Variants in ABCC6 observed in about 807,000 individuals in gnomAD.
The protein encoded by ABCC6 is ATP-binding cassette sub-family C member 6.
A neutral mutation model predicts 169.5 loss-of-function variants in ABCC6; 126 were observed. The ratio of observed to expected loss-of-function variants is 0.74; its 90% CI spans 0.64 to 0.86. ABCC6 has a LOEUF of 0.86. ABCC6 is among the 40% of genes least tolerant of loss of function. ABCC6 has a pLI of 0.00. For missense variants in ABCC6, 1,733 were observed against 1,927.2 expected (o/e 0.90, Z 1.89); for synonymous variants, 752 against 814.7 (o/e 0.92, Z 1.31).
Position 16,159,463 on chromosome 16 carries a change from C to T in ABCC6, c.3735+19G>A. 6.2e-7 allele frequency: 1 copy of T among 1,612,276 alleles called. No homozygotes were observed. ...AATATGTCCTTGCTGGGACCCCCTC[C>T]CCACCTCCCGCCCATCACCTCCTTG... is the stretch of plus-strand genomic sequence containing the variant. On this transcript the variant is annotated intron_variant, in intron 26 of 30. Transcript: ENST00000205557.
intron 29 of ABCC6, among the ~76,000 whole-genome samples, chr16:16,152,235 A>T (rs2046407839): frequency 7.0e-6 from 1 of 143,752 alleles, no homozygotes; most frequent in Admixed American, 7.0e-5. Context: ...CTTGTCACAG[A>T]ATAAGCCCTT....
At chr16:16,178,129 C>A (rs143077935) in intron 18 of ABCC6, among the ~76,000 whole-genome samples, 1 of 152,036 alleles carries the variant, frequency 6.6e-6, no homozygotes, top group African/African-American at 2.4e-5. Flanking sequence ...AGTTCGAGAC[C>A]AGCCTGGCCA....
chr16:16,168,547 C>T (rs2046955277), intron 22 of ABCC6, among the ~76,000 whole-genome samples: 2 of 152,008 alleles, frequency 1.3e-5, no homozygotes, highest in South Asian at 4.2e-4. Context: ...CTGTTACTCC[C>T]TTCAGCCAGG....
chr16:16,150,566 C>T lies in ABCC6; in HGVS notation c.4403+12G>A, dbSNP rs770452496. ...GGGCTGCTGTGAGGTCAGGCCGGGG[C>T]GGGAGCCTTACCGGGCACAGTCCAT... is the stretch of plus-strand genomic sequence containing the variant. On this transcript the variant is annotated intron_variant, in intron 30 of 30. Transcript: ENST00000205557. The T allele has an allele frequency of 6.2e-6, 10 of 1,604,944 alleles. No individual in the cohort carries two copies. The African/African-American group carries it at 6.7e-5, about 11-fold the overall frequency.
Position 16,161,647 on chromosome 16 carries a change from C to T in ABCC6, c.3507-83G>A, listed in dbSNP as rs149653829. ...CTCTGGGCACAAGGACTGGTCATCA[C>T]ACCAGCTTTGTACACACAGGGGTCC... On this transcript the variant is annotated intron_variant, in intron 24 of 30. Coordinates refer to ENST00000205557, the MANE Select transcript of ABCC6 (RefSeq NM_001171.6). 274 of 1,583,626 alleles carry T rather than the reference C, an allele frequency of 1.7e-4. 4 individuals are homozygous for T. In the East Asian group the frequency reaches 6.1e-3, roughly 35 times the overall value.
At chr16:16,214,825 A>G (rs1383698898) in intron 4 of ABCC6, among the ~76,000 whole-genome samples, 2 of 152,084 alleles carry the variant, frequency 1.3e-5, no homozygotes, top group African/African-American at 2.4e-5. Context: ...GGCCAGGCTG[A>G]CCTCAAACTG....
intron 21 of ABCC6, among the ~76,000 whole-genome samples, chr16:16,171,797 G>A (rs2047080587): frequency 1.3e-5 from 2 of 151,388 alleles, no homozygotes; most frequent in Admixed American, 1.3e-4. Flanking sequence ...TGGATGGGAT[G>A]GACAGATAAA....
chr16:16,173,504 TAC>T, intron 20 of ABCC6, 100 bp from the exon 21 acceptor site: 1 of 1,363,240 alleles, frequency 7.3e-7, no homozygotes, highest in Non-Finnish European at 1.0e-6. Context: ...GAGCTCTGGG[TAC>T]ACTCTGTACT....
chr16:16,196,854 A>T (rs1428268236), intron 10 of ABCC6, among the ~76,000 whole-genome samples: 1 of 152,048 alleles, frequency 6.6e-6, no homozygotes, highest in East Asian at 1.9e-4. Flanking sequence ...GGCACCCACC[A>T]CTATGCCCGG....
At position 16,188,991 on chromosome 16, in the gene ABCC6, A is replaced by C; in HGVS notation, c.1636-17T>G. The C allele has an allele frequency of 6.2e-7, 1 of 1,613,098 alleles. No individual in the cohort carries two copies. The highest frequency in any genetic ancestry group is 1.1e-5 in the South Asian group (1 of 91,070). On this transcript the variant is annotated splice_polypyrimidine_tract_variant and intron_variant, in intron 12 of 30. Coordinates refer to ENST00000205557, the MANE Select transcript of ABCC6 (RefSeq NM_001171.6). ...CAGTGCGACCTGGGGGGTGGGGGGGACACGTGGGGCAACAGTGAGACACGC... is the reference window on the plus strand; with the variant it reads ...CAGTGCGACCTGGGGGGTGGGGGGGCCACGTGGGGCAACAGTGAGACACGC...
At chr16:16,151,382 G>T (rs1437989057) in intron 29 of ABCC6, among the ~76,000 whole-genome samples, 2 of 152,134 alleles carry the variant, frequency 1.3e-5, no homozygotes, top group Non-Finnish European at 2.9e-5. Flanking sequence ...TGTTTTTTGA[G>T]AAATCATCAT....
intron 12 of ABCC6, 122 bp from the exon 13 acceptor site, chr16:16,189,096 C>T (rs1417228310): frequency 4.3e-6 from 5 of 1,149,912 alleles, no homozygotes; most frequent in Non-Finnish European, 6.4e-6. Flanking sequence ...GCATGTGCTT[C>T]CCTCCGTAGA....
chr16:16,177,537 A>T lies in ABCC6; in HGVS notation c.2505T>A (p.Gly835=), dbSNP rs779301637. The T allele has an allele frequency of 6.2e-7, 1 of 1,614,020 alleles. No homozygotes were observed. Among genetic ancestry groups the T allele is most frequent in the South Asian group, 1.1e-5 (1 of 91,042 alleles). ...TCCTCTGCAGAAGCTCCTGGTAGGA[A>T]CCCATCTCTGCGATGGCCCCATTTG... is the stretch of plus-strand genomic sequence containing the variant. ...VLANGAIAEM[G]SYQELLQRKG... Residue 835 remains glycine, a synonymous_variant, in exon 19 of 31, where the codon GGT becomes GGA. Coordinates refer to ENST00000205557, the MANE Select transcript of ABCC6 (RefSeq NM_001171.6).
intron 13 of ABCC6, among the ~76,000 whole-genome samples, chr16:16,188,309 T>G (rs1334103679): frequency 6.6e-6 from 1 of 151,770 alleles, no homozygotes; most frequent in Non-Finnish European, 1.5e-5. Context: ...GGAGAATCAC[T>G]TGAATCTGCG....
chr16:16,197,027 A>G (rs924610234), intron 10 of ABCC6, among the ~76,000 whole-genome samples: 1 of 152,174 alleles, frequency 6.6e-6, no homozygotes, highest in Admixed American at 6.5e-5. Flanking sequence ...AGAAAATCCT[A>G]TACCACAACG....
intron 22 of ABCC6, among the ~76,000 whole-genome samples, chr16:16,166,852 C>T (rs1012426057): frequency 1.3e-5 from 2 of 152,114 alleles, no homozygotes; most frequent in Non-Finnish European, 2.9e-5. Flanking sequence ...AAGCCGAGAT[C>T]GTGCTACTGC....
At chr16:16,172,044 A>ATGAG (rs1305507600) in intron 21 of ABCC6, among the ~76,000 whole-genome samples, 6 of 106,074 alleles carry the variant, frequency 5.7e-5, no homozygotes, top group South Asian at 3.5e-4. Flanking sequence ...GGATGCATAA[A>ATGAG]TGAGTGGGAT....
chr16:16,156,625 A>G (rs1003583530), intron 27 of ABCC6, among the ~76,000 whole-genome samples: 3 of 152,252 alleles, frequency 2.0e-5, no homozygotes, highest in Middle Eastern at 3.4e-3. Flanking sequence ...GAGCAGGGGA[A>G]TGACATGCAG....
intron 22 of ABCC6, 70 bp downstream of exon 22, chr16:16,169,576 G>A (rs1375285838): frequency 1.3e-6 from 2 of 1,552,688 alleles, no homozygotes; most frequent in East Asian, 2.3e-5. Context: ...GGAGGGGTGG[G>A]GTAAAGGAGT....
Sources: gnomAD v4.1 joint callset for allele counts (sites outside exome capture counted in the v4.1 genomes callset) on GRCh38, gnomAD v4.1.1 for gene constraint, MANE v1.5 for transcripts, NCBI Gene and HGNC (gene_info 2026-07-23, HGNC 2026-07-21) for gene names.